Variants in STARD13 observed in about 807,000 individuals in gnomAD.
The protein encoded by STARD13 is StAR related lipid transfer domain containing 13.
A neutral mutation model predicts 106.4 loss-of-function variants in STARD13; 62 were observed. The ratio of observed to expected loss-of-function variants is 0.58; its 90% CI spans 0.48 to 0.72. The LOEUF is 0.72. Ranked by LOEUF, STARD13 falls within the 30% of genes least tolerant of loss-of-function variation. The probability of loss-of-function intolerance (pLI) is 0.00; values close to 1 mark genes in which losing one functional copy is unlikely to be tolerated. For synonymous variants in STARD13, 565 were observed against 553.0 expected (o/e 1.02, Z -0.31); for missense variants, 1,387 against 1,424.0 (o/e 0.97, Z 0.42).
the STARD13 span, among the ~76,000 whole-genome samples, chr13:33,675,896 A>C: frequency 6.6e-6 from 1 of 152,202 alleles, no homozygotes; most frequent in Non-Finnish European, 1.5e-5. Flanking sequence ...AAAAGCATCG[A>C]GTATTCTACC....
At chr13:33,580,250 G>A in the STARD13 span, among the ~76,000 whole-genome samples, 2 of 152,034 alleles carry the variant, frequency 1.3e-5, no homozygotes, top group Non-Finnish European at 2.9e-5. Flanking sequence ...AAAAATCATG[G>A]AGGAACCTTA....
In STARD13 at chr13:33,311,887, G is replaced by T. The variant is rs201988655; in HGVS notation, c.124+38403C>A. 1.6e-4 allele frequency among the ~76,000 whole-genome samples: 24 copies of T among 152,320 alleles called. No homozygotes were observed. In the East Asian group the frequency reaches 4.4e-3, roughly 28 times the overall value. On this transcript the variant is annotated intron_variant, in intron 1 of 5. Transcript: ENST00000567873. ...GCAAGAGATGCTTTTCTTGCATGTGGATTATCCAGTAAGTTCTATGTTAAA... is the reference window on the plus strand; with the variant it reads ...GCAAGAGATGCTTTTCTTGCATGTGTATTATCCAGTAAGTTCTATGTTAAA...
At chr13:33,457,266 A>C in the STARD13 span, among the ~76,000 whole-genome samples, 1 of 152,232 alleles carries the variant, frequency 6.6e-6, no homozygotes. Context: ...TGAAATAAAC[A>C]ACCACTTTAT....
chr13:33,308,457 C>A (rs1020702389), intron 1 of STARD13, among the ~76,000 whole-genome samples: 4 of 149,228 alleles, frequency 2.7e-5, no homozygotes, highest in African/African-American at 9.9e-5. Flanking sequence ...CCACTAATTA[C>A]TTGTTTATTT....
At chr13:33,174,580 T>C (rs552573178) in intron 1 of STARD13, among the ~76,000 whole-genome samples, 1 of 152,308 alleles carries the variant, frequency 6.6e-6, no homozygotes, top group Admixed American at 6.5e-5. Context: ...GGTATTGGAA[T>C]GATGACACTG....
upstream of STARD13, among the ~76,000 whole-genome samples, chr13:33,290,453 C>T (rs1892250112): frequency 6.6e-6 from 1 of 152,232 alleles, no homozygotes; most frequent in Non-Finnish European, 1.5e-5. Context: ...TCCCAATCTG[C>T]ATGCACCCCA....
At chr13:33,454,066 T>A in the STARD13 span, among the ~76,000 whole-genome samples, 2 of 152,226 alleles carry the variant, frequency 1.3e-5, no homozygotes, top group African/African-American at 2.4e-5. Flanking sequence ...TTTCTACTTG[T>A]GGAGGCTATG....
chr13:33,374,828 T>G, the STARD13 span, among the ~76,000 whole-genome samples: 11 of 152,094 alleles, frequency 7.2e-5, no homozygotes, highest in African/African-American at 2.7e-4. Context: ...TTTGTCAAAC[T>G]TTAGTCTTTA....
chr13:33,495,154 C>T, the STARD13 span, among the ~76,000 whole-genome samples: 8 of 152,160 alleles, frequency 5.3e-5, no homozygotes, highest in Admixed American at 6.6e-5. Flanking sequence ...TCAGAAAATA[C>T]ACAACACATG....
the STARD13 span, among the ~76,000 whole-genome samples, chr13:33,586,633 T>C: frequency 6.6e-6 from 1 of 152,154 alleles, no homozygotes; most frequent in Non-Finnish European, 1.5e-5. Flanking sequence ...AAGAGCCGGG[T>C]GTTAAATAAG....
chr13:33,184,833 T>G (rs1048311899), intron 1 of STARD13, among the ~76,000 whole-genome samples: 1 of 152,228 alleles, frequency 6.6e-6, no homozygotes, highest in Non-Finnish European at 1.5e-5. Context: ...ATGAATACTT[T>G]TCACAATTTC....
chr13:33,229,739 C>T (rs1260633311), intron 1 of STARD13, among the ~76,000 whole-genome samples: 1 of 152,182 alleles, frequency 6.6e-6, no homozygotes, highest in Non-Finnish European at 1.5e-5. Context: ...TTTGGAAAAC[C>T]TGTGAAAATA....
rs769023001 is a variant in STARD13, at chr13:33,109,964, C to T, written c.2956G>A (p.Val986Ile). Residue 986 changes from valine (V) to isoleucine (I), a missense_variant, in exon 12 of 14, where the codon GTT becomes ATT. By Grantham distance (29) the Val-to-Ile change is conservative (BLOSUM62 3). Transcript: ENST00000336934. ...LWDEDFVQWKVVETLDRQTEI... is the reference protein window; with the variant it reads ...LWDEDFVQWKIVETLDRQTEI... ...GTTTGCCTGTCTAGAGTTTCCACAACCTTCCACTGCACAAAGTCCTCGTCC... is the reference window on the plus strand; with the variant it reads ...GTTTGCCTGTCTAGAGTTTCCACAATCTTCCACTGCACAAAGTCCTCGTCC... 2.5e-6 allele frequency: 4 copies of T among 1,614,138 alleles called. No homozygotes were observed. The highest frequency in any genetic ancestry group is 8.5e-7 in the Non-Finnish European group (1 of 1,180,060).
At chr13:33,294,188 G>T (rs1892401710) in intron 1 of STARD13, among the ~76,000 whole-genome samples, 1 of 152,132 alleles carries the variant, frequency 6.6e-6, no homozygotes, top group South Asian at 2.1e-4. Context: ...AAATTGTATA[G>T]GCATGCTTGC....
At chr13:33,641,926 G>A in the STARD13 span, among the ~76,000 whole-genome samples, 1 of 152,164 alleles carries the variant, frequency 6.6e-6, no homozygotes, top group African/African-American at 2.4e-5. Flanking sequence ...AAGAAATACT[G>A]ACTCTGTTAA....
chr13:33,115,773 C>T (rs1158833247), intron 8 of STARD13, among the ~76,000 whole-genome samples: 1 of 152,160 alleles, frequency 6.6e-6, no homozygotes, highest in East Asian at 1.9e-4. Context: ...AAAAGAGACA[C>T]ATGGCCAAAG....
intron 1 of STARD13, among the ~76,000 whole-genome samples, chr13:33,275,015 G>A (rs1891350165): frequency 1.3e-5 from 2 of 152,030 alleles, no homozygotes; most frequent in Non-Finnish European, 2.9e-5. Flanking sequence ...TCCTGCCAAG[G>A]ACTGTCTCTT....
At chr13:33,507,010 A>T in the STARD13 span, among the ~76,000 whole-genome samples, 2 of 152,136 alleles carry the variant, frequency 1.3e-5, no homozygotes, top group African/African-American at 4.8e-5. Context: ...CTCAGGTGAG[A>T]GGATCGCTTG....
At chr13:33,267,658 G>C (rs1370397826) in intron 1 of STARD13, among the ~76,000 whole-genome samples, 1 of 152,184 alleles carries the variant, frequency 6.6e-6, no homozygotes, top group East Asian at 1.9e-4. Context: ...TACAGAAATA[G>C]AAAGACAATA....
Sources: gnomAD v4.1 joint callset for allele counts (sites outside exome capture counted in the v4.1 genomes callset) on GRCh38, gnomAD v4.1.1 for gene constraint, MANE v1.5 for transcripts, NCBI Gene and HGNC (gene_info 2026-07-23, HGNC 2026-07-21) for gene names.